HMGCL: variants seen among roughly 807,000 people sequenced by gnomAD.
HMGCL encodes the protein hydroxymethylglutaryl-CoA lyase, mitochondrial.
Under a neutral mutation model 37.3 loss-of-function variants are expected in HMGCL, and 26 were observed. The ratio of observed to expected loss-of-function variants is 0.70; its 90% confidence interval spans 0.51 to 0.97. The LOEUF (loss-of-function observed/expected upper bound fraction) is 0.97. HMGCL is among the 50% of genes least tolerant of loss of function. The pLI, the probability that HMGCL is intolerant of heterozygous loss-of-function variation, is 0.00. For synonymous variants in HMGCL, 151 were observed against 148.0 expected (o/e 1.02, Z -0.15); for missense variants, 379 against 398.1 (o/e 0.95, Z 0.41).
intron 2 of HMGCL, 67 bp downstream of exon 2, chr1:23,820,443 C>T (rs1329576133): frequency 1.9e-6 from 2 of 1,076,496 alleles, no homozygotes; most frequent in African/African-American, 1.6e-5. Context: ...GCCATTGCAC[C>T]TATCACACGT....
intron 8 of HMGCL, 91 bp downstream of exon 8, chr1:23,804,306 TAAC>T: frequency 6.6e-7 from 1 of 1,513,450 alleles, no homozygotes. Context: ...CTCAGCACCT[TAAC>T]AACCCCAAAT....
intron 7 of HMGCL, chr1:23,807,240 T>G (rs768755836): frequency 1.7e-5 from 9 of 518,758 alleles, no homozygotes; most frequent in South Asian, 1.3e-4. Context: ...GGGAAACGCA[T>G]GAGCTGAAGG....
intron 3 of HMGCL, among the ~76,000 whole-genome samples, chr1:23,817,050 G>T (rs1470754646): frequency 6.6e-6 from 1 of 152,218 alleles, no homozygotes; most frequent in Non-Finnish European, 1.5e-5. Context: ...CATTTATTGA[G>T]AATGTACTCT....
chr1:23,805,022 C>T (rs1322980564), intron 7 of HMGCL, among the ~76,000 whole-genome samples: 1 of 152,018 alleles, frequency 6.6e-6, no homozygotes, highest in Non-Finnish European at 1.5e-5. Flanking sequence ...CTTCTTAAAC[C>T]TCTATCACCC....
chr1:23,820,628 A>G (rs984653147), intron 1 of HMGCL, 35 bp from the exon 2 acceptor site: 2 of 1,435,832 alleles, frequency 1.4e-6, no homozygotes, highest in Non-Finnish European at 9.8e-7. Context: ...AAGTATGAGG[A>G]AGAGATTGCC....
chr1:23,821,259 A>G (rs1638714098), intron 1 of HMGCL, among the ~76,000 whole-genome samples: 2 of 152,150 alleles, frequency 1.3e-5, no homozygotes, highest in African/African-American at 4.8e-5. Context: ...CAAGAGGCTG[A>G]GGCAGGAGAA....
At chr1:23,816,819 G>A (rs372099612) in intron 3 of HMGCL, 49 bp from the exon 4 acceptor site, 2 of 1,131,290 alleles carry the variant, frequency 1.8e-6, no homozygotes, top group African/African-American at 3.0e-5. Flanking sequence ...AGCAGACAGA[G>A]AGTTCAGTTA....
chr1:23,816,138 T>TGG (rs1199174841), intron 4 of HMGCL, among the ~76,000 whole-genome samples: 2 of 150,234 alleles, frequency 1.3e-5, no homozygotes, highest in African/African-American at 2.4e-5. Flanking sequence ...TTGCTCAGGC[T>TGG]GGTCTCAAGC....
chr1:23,815,432 G>C (rs982595262), intron 4 of HMGCL, among the ~76,000 whole-genome samples: 1 of 151,896 alleles, frequency 6.6e-6, no homozygotes, highest in Non-Finnish European at 1.5e-5. Context: ...CTGGCCTCCA[G>C]ACTGTGAGAG....
intron 1 of HMGCL, among the ~76,000 whole-genome samples, chr1:23,821,849 C>CT (rs1035612805): frequency 5.9e-5 from 9 of 152,006 alleles, no homozygotes; most frequent in African/African-American, 1.2e-4. Context: ...CCTCATCTGG[C>CT]TTTTTTTAAA....
intron 8 of HMGCL, among the ~76,000 whole-genome samples, chr1:23,803,337 G>A (rs1179043935): frequency 6.6e-6 from 1 of 152,240 alleles, no homozygotes; most frequent in East Asian, 1.9e-4. Flanking sequence ...GAGTAGCTGG[G>A]ATTACAGGTG....
chr1:23,804,886 C>A (rs1311371880), intron 7 of HMGCL, among the ~76,000 whole-genome samples: 1 of 123,400 alleles, frequency 8.1e-6, no homozygotes, highest in Non-Finnish European at 1.7e-5. Flanking sequence ...ACCCCCCCCC[C>A]ACTTACCCCC....
At chr1:23,811,344 C>T (rs537954519) in intron 5 of HMGCL, among the ~76,000 whole-genome samples, 131 of 152,340 alleles carry the variant, frequency 8.6e-4, no homozygotes, top group Middle Eastern at 3.4e-3. Flanking sequence ...GTGCCAGGCA[C>T]TGGCACAGAG....
At chr1:23,824,925 G>C (rs916734901) in intron 1 of HMGCL, among the ~76,000 whole-genome samples, 10 of 152,208 alleles carry the variant, frequency 6.6e-5, no homozygotes, top group African/African-American at 2.2e-4. Context: ...CGCAAGTCCC[G>C]CTCGGTAGGC....
At position 23,802,361 on chromosome 1, in the gene HMGCL, T is replaced by C. The variant is rs1316491972; in HGVS notation, c.*102A>G. 9.6e-6 allele frequency: 8 copies of C among 829,222 alleles called. No homozygotes were observed. The highest frequency in any genetic ancestry group is 1.7e-5 in the Non-Finnish European group (8 of 470,390). The allele number at this position is 829,222 out of a possible 1,614,324, so 51.4% of individuals were successfully genotyped here. On this transcript the variant is annotated 3_prime_UTR_variant, in exon 9 of 9. Transcript: ENST00000374490. ...TGTGTAGAGCTGGCTATGAGGTACC[T>C]GCACCATTTAACCTATTCTCATTTC...
At chr1:23,823,173 T>C (rs1638752809) in intron 1 of HMGCL, among the ~76,000 whole-genome samples, 1 of 119,150 alleles carries the variant, frequency 8.4e-6, no homozygotes, top group Admixed American at 9.2e-5. Context: ...CGAGACTTCT[T>C]CATCTCAAAA....
chr1:23,804,698 T>C (rs1037503189), intron 7 of HMGCL, among the ~76,000 whole-genome samples, 173 bp from the exon 8 acceptor site: 8 of 152,224 alleles, frequency 5.3e-5, no homozygotes, highest in African/African-American at 1.7e-4. Context: ...GCTTCTCCTT[T>C]TAGTTTCTGT....
rs1638447083 is a variant in HMGCL at position 23,808,185 on chromosome 1, A to G, written c.700T>C (p.Cys234Arg). 6.2e-7 allele frequency: 1 copy of G among 1,614,110 alleles called. No homozygotes were observed. The highest frequency in any genetic ancestry group is 1.3e-5 in the African/African-American group (1 of 75,050). Residue 234 changes from cysteine (C) to arginine (R), a missense_variant, in exon 7 of 9, where the codon TGC becomes CGC. Cys to Arg is a radical substitution (Grantham distance 180, BLOSUM62 -3). Coordinates refer to ENST00000374490, the MANE Select transcript of HMGCL (RefSeq NM_000191.3). Reference protein sequence around the residue: ...EVPLAALAVHCHDTYGQALAN... With the variant: ...EVPLAALAVHRHDTYGQALAN... Reference sequence around the variant, plus strand: ...AGGGCTTGACCATAGGTGTCATGGCAGTGGACAGCCAGGGCAGCCAGAGGC... The same window carrying G: ...AGGGCTTGACCATAGGTGTCATGGCGGTGGACAGCCAGGGCAGCCAGAGGC...
At chr1:23,815,576 A>G (rs1186493910) in intron 4 of HMGCL, among the ~76,000 whole-genome samples, 2 of 149,590 alleles carry the variant, frequency 1.3e-5, no homozygotes, top group African/African-American at 4.9e-5. Context: ...GCTCACTGCA[A>G]CCTCCGCCTT....
Sources: allele counts gnomAD v4.1 joint callset (sites outside exome capture counted in the v4.1 genomes callset), GRCh38; gene constraint gnomAD v4.1.1; transcripts MANE v1.5; gene names NCBI Gene and HGNC (gene_info 2026-07-23, HGNC 2026-07-21).